The following DCP2 variants were observed in gnomAD, a reference collection of about 807,000 sequenced individuals.
The protein encoded by DCP2 is m7GpppN-mRNA hydrolase.
In DCP2, 30 loss-of-function variants were observed where a neutral mutation model predicts 56.1. The ratio of observed to expected loss-of-function variants is 0.53; its 90% CI spans 0.40 to 0.73. The LOEUF (loss-of-function observed/expected upper bound fraction) is 0.73. Ranked by LOEUF, DCP2 falls within the 30% of genes least tolerant of loss-of-function variation. The probability of loss-of-function intolerance (pLI) is 0.00; values close to 1 mark genes in which losing one functional copy is unlikely to be tolerated. For missense variants in DCP2, 533 were observed against 502.7 expected (o/e 1.06, Z -0.58); for synonymous variants, 197 against 163.3 (o/e 1.21, Z -1.57).
At chr5:113,000,061 CAAAAAAAAAAAAAA>C (rs60251393) in intron 4 of DCP2, among the ~76,000 whole-genome samples, 3 of 89,956 alleles carry the variant, frequency 3.3e-5, no homozygotes, top group African/African-American at 4.4e-5. Flanking sequence ...AACTCCATCT[CAAAAAAAAAAAAAA>C]AAAAAAAGAA....
intron 8 of DCP2, among the ~76,000 whole-genome samples, chr5:113,005,151 G>GGTGTGTGGGGGTGT (rs70973659): frequency 7.4e-5 from 11 of 149,420 alleles, no homozygotes; most frequent in African/African-American, 2.7e-4. Flanking sequence ...TGTGCGTGTG[G>GGTGTGTGGGGGTGT]GTGTGTGTGT....
chr5:112,987,881 T>G (rs141053913), intron 2 of DCP2, among the ~76,000 whole-genome samples: 147 of 152,148 alleles, frequency 9.7e-4, no homozygotes, highest in African/African-American at 3.3e-3. Context: ...TCTTCCCGCA[T>G]TTTTCCCAAG....
rs1212864879 is a variant in DCP2, at chr5:113,018,251, G to T, written c.*4767G>T. ...CTTAAAGGGTTGACTTCCACCAGCT[G>T]AGTACAAACAAGTGTAAAGAAAAAC... On this transcript the variant is annotated 3_prime_UTR_variant, in exon 11 of 11. Coordinates refer to ENST00000389063, the MANE Select transcript of DCP2 (RefSeq NM_152624.6). 1 of 152,202 alleles carries T rather than the reference G, an allele frequency of 6.6e-6. No individual in the cohort carries two copies. The highest frequency in any genetic ancestry group is 1.5e-5 in the Non-Finnish European group (1 of 68,026). 9.4% of individuals were successfully genotyped at this position (152,202 alleles called of 1,614,324 possible). A position where few individuals can be genotyped will look rare whatever the true frequency, so the allele number is the denominator to read the frequency against.
Position 112,984,703 on chromosome 5 carries a change from A to AATATATATATATATATATAT in DCP2, c.54-1129_54-1110dup, listed in dbSNP as rs57159758. 2.3e-3 allele frequency: 152 copies of AATATATATATATATATATAT among 64,808 alleles called. 2 individuals are homozygous for AATATATATATATATATATAT. Among genetic ancestry groups the AATATATATATATATATATAT allele is most frequent in the Non-Finnish European group, 3.2e-3 (120 of 36,950 alleles). The allele number at this position is 64,808 out of a possible 1,614,324, so 4.0% of individuals were successfully genotyped here. ...TTCTTAATTAAAAAAAAAAAAAAAA[A>AATATATATATATATATATAT]ATATATATATATATATATATATTTG... On this transcript the variant is annotated intron_variant, in intron 1 of 10. Coordinates refer to ENST00000389063, the MANE Select transcript of DCP2 (RefSeq NM_152624.6).
rs148565138 is a variant in DCP2, at chr5:112,977,292, G to A, written c.53+306G>A. 3.2e-3 allele frequency among the ~76,000 whole-genome samples: 489 copies of A among 152,186 alleles called. 1 individual carries two copies. The highest frequency in any genetic ancestry group is 0.011 in the African/African-American group (469 of 41,516). On this transcript the variant is annotated intron_variant, in intron 1 of 10. Coordinates refer to ENST00000389063, the MANE Select transcript of DCP2 (RefSeq NM_152624.6). ...GCTTCGCCGGAGCCTGGGTCTTAGC[G>A]TTTTGCCGCCGCCGCCGCCTCCCTC... is the stretch of plus-strand genomic sequence containing the variant.
chr5:112,996,432 C>A (rs1414319751), intron 4 of DCP2, among the ~76,000 whole-genome samples: 3 of 152,038 alleles, frequency 2.0e-5, no homozygotes, highest in Non-Finnish European at 4.4e-5. Flanking sequence ...ATTTAAGTTA[C>A]ATACATTTAA....
chr5:113,018,123 T>A lies in DCP2; in HGVS notation c.*4639T>A, dbSNP rs919578367. ...TTATACATTTGTCCTGAATGGTGAT[T>A]CATTCCTTTCCATCTAACTTCCTTG... On this transcript the variant is annotated 3_prime_UTR_variant, in exon 11 of 11. Coordinates refer to ENST00000389063, the MANE Select transcript of DCP2 (RefSeq NM_152624.6). The A allele has an allele frequency of 1.4e-4, 21 of 152,236 alleles. No homozygotes were observed. The highest frequency in any genetic ancestry group is 5.1e-4 in the African/African-American group (21 of 41,464). The allele number at this position is 152,236 out of a possible 1,614,324, so 9.4% of individuals were successfully genotyped here. A position where few individuals can be genotyped will look rare whatever the true frequency, so the allele number is the denominator to read the frequency against.
In DCP2 at chr5:112,977,028, C is replaced by A. The variant is rs370455392; in HGVS notation, c.53+42C>A. ...CCCCCTTTCGCCCCCGTCGGGTTTT[C>A]TCAGTTTCGCGGACCCCCAGAGGCC... On this transcript the variant is annotated intron_variant, in intron 1 of 10. Transcript: ENST00000389063. 1.9e-4 allele frequency: 270 copies of A among 1,458,022 alleles called. 2 individuals carry two copies. Among genetic ancestry groups the A allele is most frequent in the South Asian group, 1.3e-3 (90 of 70,934 alleles). 90.3% of individuals were successfully genotyped at this position (1,458,022 alleles called of 1,614,324 possible).
Position 113,014,212 on chromosome 5 carries a change from A to G in DCP2, c.*728A>G, listed in dbSNP as rs1749791875. ...TGCTGGAGGAAATGTAGCAGACAGC[A>G]TGGAGGCTGGGACCCAGCAGCTACT... On this transcript the variant is annotated 3_prime_UTR_variant, in exon 11 of 11. Coordinates refer to ENST00000389063, the MANE Select transcript of DCP2 (RefSeq NM_152624.6). The G allele has an allele frequency of 6.6e-6, 1 of 152,272 alleles. No homozygotes were observed. Among genetic ancestry groups the G allele is most frequent in the Non-Finnish European group, 1.5e-5 (1 of 68,074 alleles). 9.4% of individuals were successfully genotyped at this position (152,272 alleles called of 1,614,324 possible).
Position 113,009,921 on chromosome 5 carries a change from C to CTTTT in DCP2, c.1048-824_1048-821dup, listed in dbSNP as rs564861668. ...AATGTAATGAATAATCTTTTTTTTC[C>CTTTT]TTTTTTTTTTTTTTGAGACAGGGTC... On this transcript the variant is annotated intron_variant, in intron 9 of 10. Transcript: ENST00000389063. Among the ~76,000 whole-genome samples, 154 of 136,130 alleles carry CTTTT rather than the reference C, an allele frequency of 1.1e-3. 2 individuals are homozygous for CTTTT. Among genetic ancestry groups the CTTTT allele is most frequent in the African/African-American group, 2.4e-3 (88 of 37,136 alleles). 89.3% of individuals were successfully genotyped at this position (136,130 alleles called of 152,430 possible).
chr5:112,988,318 T>TA (rs71224870), intron 2 of DCP2, among the ~76,000 whole-genome samples: 72,043 of 136,532 alleles, frequency 0.53, 18,907 homozygotes, highest in East Asian at 0.61. Context: ...CCGTCTCTAC[T>TA]AAAAAAAAAA....
chr5:112,994,728 A>G (rs927204516), intron 4 of DCP2, among the ~76,000 whole-genome samples: 1 of 152,158 alleles, frequency 6.6e-6, no homozygotes, highest in African/African-American at 2.4e-5. Flanking sequence ...TTGGCCTAGG[A>G]GTTGAAAGAT....
chr5:112,996,105 C>A (rs546870311), intron 4 of DCP2, among the ~76,000 whole-genome samples: 9 of 152,294 alleles, frequency 5.9e-5, no homozygotes, highest in African/African-American at 2.2e-4. Flanking sequence ...TGAGCTTCAA[C>A]ATATGAATTT....
At chr5:113,013,150 C>T (rs181429776) in intron 10 of DCP2, among the ~76,000 whole-genome samples, 171 bp from the exon 11 acceptor site, 5 of 152,168 alleles carry the variant, frequency 3.3e-5, no homozygotes, top group Non-Finnish European at 4.4e-5. Context: ...TGCAGTTGAC[C>T]ACCAGTTTAT....
chr5:112,996,790 A>G (rs1212632157), intron 4 of DCP2, among the ~76,000 whole-genome samples: 1 of 152,202 alleles, frequency 6.6e-6, no homozygotes, highest in Non-Finnish European at 1.5e-5. Context: ...TAATTTGACT[A>G]TTTCTGGATA....
At chr5:113,012,600 G>A (rs10059132) in intron 10 of DCP2, among the ~76,000 whole-genome samples, 4 of 151,958 alleles carry the variant, frequency 2.6e-5, no homozygotes, top group African/African-American at 9.7e-5. Context: ...GAGTTTTGTT[G>A]TACTATGATT....
At chr5:112,990,736 C>G (rs2150175086) in intron 2 of DCP2, among the ~76,000 whole-genome samples, 1 of 152,310 alleles carries the variant, frequency 6.6e-6, no homozygotes, top group Middle Eastern at 3.4e-3. Flanking sequence ...GCCACCACAC[C>G]TGGCCAAATT....
intron 4 of DCP2, among the ~76,000 whole-genome samples, chr5:112,996,908 CATAAA>C (rs1224686970): frequency 2.6e-5 from 4 of 151,998 alleles, no homozygotes; most frequent in Non-Finnish European, 5.9e-5. Context: ...CATTTTATTC[CATAAA>C]ATAAAATGAG....
rs1378952213 is a variant in DCP2, at chr5:113,001,120, A to G, written c.469A>G (p.Ile157Val). The G allele has an allele frequency of 4.3e-6, 7 of 1,612,658 alleles. No homozygotes were observed. The highest frequency in any genetic ancestry group is 3.4e-4 in the Middle Eastern group (2 of 5,954). The change falls in exon 5 of 11, where the codon ATT becomes GTT. Residue 157 changes from isoleucine (I) to valine (V), a missense_variant. Ile to Val is a conservative substitution (Grantham distance 29, BLOSUM62 3). This residue lies in a region of DCP2 where 392 missense variants were observed against 346.6 expected (regional missense o/e 1.13). Coordinates refer to ENST00000389063, the MANE Select transcript of DCP2 (RefSeq NM_152624.6). ...EETGFDIKDY[I>V]CKDDYIELRI... is the part of the protein sequence containing the mutation. ...AACTGGTTTTGATATCAAAGACTAT[A>G]TTTGTAAGGATGATTACATTGAACT...
Sources: allele counts gnomAD v4.1 joint callset (sites outside exome capture counted in the v4.1 genomes callset), GRCh38; gene constraint gnomAD v4.1.1; regional missense constraint gnomAD v4.1.1; transcripts MANE v1.5; gene names NCBI Gene and HGNC (gene_info 2026-07-23, HGNC 2026-07-21).